The following RSBN1L variants were observed in gnomAD, a reference collection of about 807,000 sequenced individuals.
The protein encoded by RSBN1L is lysine-specific demethylase RSBN1L.
In RSBN1L, 30 loss-of-function variants were observed where a neutral mutation model predicts 67.7. The ratio of observed to expected loss-of-function variants is 0.44; its 90% CI spans 0.33 to 0.60. The LOEUF is 0.60. RSBN1L is among the 20% of genes least tolerant of loss of function. The pLI, the probability that RSBN1L is intolerant of heterozygous loss-of-function variation, is 0.02. For synonymous variants in RSBN1L, 433 were observed against 387.0 expected, an observed-to-expected ratio of 1.12 and a Z score of -1.39; for missense variants, 992 against 1,031.7, an observed-to-expected ratio of 0.96 and a Z score of 0.53.
intron 1 of RSBN1L, among the ~76,000 whole-genome samples, chr7:77,734,631 G>A (rs1791309735): frequency 6.6e-6 from 1 of 152,028 alleles, no homozygotes; most frequent in East Asian, 1.9e-4. Flanking sequence ...TGGGATTACA[G>A]GCATGCACCA....
chr7:77,760,681 T>G (rs1791687074), intron 3 of RSBN1L, among the ~76,000 whole-genome samples: 1 of 152,258 alleles, frequency 6.6e-6, no homozygotes, highest in South Asian at 2.1e-4. Flanking sequence ...TCACCCAGGC[T>G]GGAGTGCAGT....
At chr7:77,744,971 C>G (rs1448891486) in intron 2 of RSBN1L, among the ~76,000 whole-genome samples, 1 of 152,090 alleles carries the variant, frequency 6.6e-6, no homozygotes, top group Non-Finnish European at 1.5e-5. Flanking sequence ...TGTGCAAAAG[C>G]TTGACTGAGG....
intron 1 of RSBN1L, among the ~76,000 whole-genome samples, chr7:77,733,583 T>A (rs980835520): frequency 2.0e-5 from 3 of 151,998 alleles, no homozygotes; most frequent in African/African-American, 7.2e-5. Flanking sequence ...TTTTAAATGT[T>A]AAATAAATTA....
intron 2 of RSBN1L, among the ~76,000 whole-genome samples, chr7:77,739,826 T>G (rs1791385669): frequency 8.4e-6 from 1 of 119,518 alleles, no homozygotes; most frequent in African/African-American, 3.2e-5. Flanking sequence ...CTCGGCTCAC[T>G]GCAAACTCTG....
At chr7:77,751,812 A>G (rs1316455912) in intron 3 of RSBN1L, among the ~76,000 whole-genome samples, 1 of 152,178 alleles carries the variant, frequency 6.6e-6, no homozygotes, top group Non-Finnish European at 1.5e-5. Context: ...CTTATCATTC[A>G]TTTGTCGTTT....
rs368604072 is a variant in RSBN1L, at chr7:77,750,037, A to T, written c.1317A>T (p.Thr439=). ...TATTGGGAAAGAAAGATATAGAGAC[A>T]ACGACTATGTCCAATTTTCATGCTC... ...MEILGKKDIE[T]TTMSNFHAQV... is the part of the protein sequence containing the mutation. Residue 439 remains threonine (T), a synonymous_variant, in exon 3 of 8, where the codon ACA becomes ACT. Coordinates refer to ENST00000334955, the MANE Select transcript of RSBN1L (RefSeq NM_198467.3). The T allele has an allele frequency of 6.2e-7, 1 of 1,605,048 alleles. No homozygotes were observed. Among genetic ancestry groups the T allele is most frequent in the Non-Finnish European group, 8.5e-7 (1 of 1,176,770 alleles).
In RSBN1L at chr7:77,696,467, A is replaced by G. The variant is rs770012566; in HGVS notation, c.-3A>G. 9.4e-6 allele frequency: 15 copies of G among 1,603,172 alleles called. No individual in the cohort carries two copies. Among genetic ancestry groups the G allele is most frequent in the Non-Finnish European group, 1.3e-5 (15 of 1,174,030 alleles). On this transcript the variant is annotated 5_prime_UTR_variant, in exon 1 of 8. Coordinates refer to ENST00000334955, the MANE Select transcript of RSBN1L (RefSeq NM_198467.3). ...AGGAGAGTAAATACAACAGGAGCGC[A>G]AAATGGCGGAACCGCCGAGCCCCGT...
At chr7:77,716,272 T>G (rs181389420) in intron 1 of RSBN1L, among the ~76,000 whole-genome samples, 1 of 152,276 alleles carries the variant, frequency 6.6e-6, no homozygotes, top group African/African-American at 2.4e-5. Context: ...TCTGTAAGGT[T>G]TGGGTCAAGA....
At chr7:77,737,703 A>T (rs1791355456) in intron 2 of RSBN1L, among the ~76,000 whole-genome samples, 1 of 152,210 alleles carries the variant, frequency 6.6e-6, no homozygotes, top group African/African-American at 2.4e-5. Context: ...CTAGTTATTT[A>T]TAGCAGCTAG....
At chr7:77,778,505 T>C in intron 7 of RSBN1L, 25 bp from the exon 8 acceptor site, 1 of 1,597,116 alleles carries the variant, frequency 6.3e-7, no homozygotes, top group Non-Finnish European at 8.5e-7. Flanking sequence ...GAGTTATTTG[T>C]ATTTCTTGTT....
chr7:77,730,029 A>G (rs1206154018), intron 1 of RSBN1L, among the ~76,000 whole-genome samples: 1 of 152,150 alleles, frequency 6.6e-6, no homozygotes, highest in Non-Finnish European at 1.5e-5. Flanking sequence ...TACTTTATAT[A>G]TGTTTAAAAA....
chr7:77,773,168 T>C lies in RSBN1L; in HGVS notation c.1647T>C (p.Asn549=). ...ACAGAACTACCAATGAAATAAAAAATCTTCAGTACCTACCTCGAACAAGTG... is the reference window on the plus strand; with the variant it reads ...ACAGAACTACCAATGAAATAAAAAACCTTCAGTACCTACCTCGAACAAGTG... The part of the protein sequence containing the change: ...KRKRTTNEIK[N]LQYLPRTSEP... Residue 549 remains asparagine, a synonymous_variant, in exon 6 of 8, where the codon AAT becomes AAC. Coordinates refer to ENST00000334955, the MANE Select transcript of RSBN1L (RefSeq NM_198467.3). 2 of 1,586,224 alleles carry C rather than the reference T, an allele frequency of 1.3e-6. No individual in the cohort carries two copies. Among genetic ancestry groups the C allele is most frequent in the African/African-American group, 1.4e-5 (1 of 73,416 alleles).
intron 1 of RSBN1L, among the ~76,000 whole-genome samples, chr7:77,702,723 A>T (rs1790834987): frequency 6.6e-6 from 1 of 152,112 alleles, no homozygotes; most frequent in East Asian, 1.9e-4. Flanking sequence ...TTTTTTTATA[A>T]TTCTGGTGGC....
At chr7:77,722,483 G>A (rs1469476960) in intron 1 of RSBN1L, among the ~76,000 whole-genome samples, 2 of 152,278 alleles carry the variant, frequency 1.3e-5, no homozygotes, top group African/African-American at 2.4e-5. Flanking sequence ...ACGGAAAAAA[G>A]GGCTGAGAAG....
At chr7:77,768,589 ATATTAT>A (rs10538970) in intron 4 of RSBN1L, 66 bp from the exon 5 acceptor site, 16 of 1,331,970 alleles carry the variant, frequency 1.2e-5, no homozygotes, top group African/African-American at 5.8e-5. Context: ...CAGGGGAACA[ATATTAT>A]TATTAACATA....
intron 1 of RSBN1L, among the ~76,000 whole-genome samples, chr7:77,703,082 AG>A (rs1312680332): frequency 1.3e-5 from 2 of 152,154 alleles, no homozygotes; most frequent in Non-Finnish European, 2.9e-5. Flanking sequence ...TCATGGGGGA[AG>A]AAAGCTACAA....
intron 4 of RSBN1L, 155 bp from the exon 5 acceptor site, chr7:77,768,506 A>G (rs1791804026): frequency 1.5e-6 from 1 of 654,662 alleles, no homozygotes; most frequent in East Asian, 2.8e-5. Context: ...AAGTATATCA[A>G]TATATAGGGA....
chr7:77,775,728 C>A (rs1398866784), intron 6 of RSBN1L, among the ~76,000 whole-genome samples: 1 of 151,906 alleles, frequency 6.6e-6, no homozygotes, highest in African/African-American at 2.4e-5. Flanking sequence ...TTTTATGGAC[C>A]ATCTTGATGA....
chr7:77,721,540 G>A (rs905448408), intron 1 of RSBN1L, among the ~76,000 whole-genome samples: 1 of 152,166 alleles, frequency 6.6e-6, no homozygotes, highest in Non-Finnish European at 1.5e-5. Context: ...AGTGCTTAGT[G>A]GAAGAAGCTA....
Sources: gnomAD v4.1 joint callset for allele counts (sites outside exome capture counted in the v4.1 genomes callset) on GRCh38, gnomAD v4.1.1 for gene constraint, MANE v1.5 for transcripts, NCBI Gene and HGNC (gene_info 2026-07-23, HGNC 2026-07-21) for gene names.